Variants in STPG2 observed in about 807,000 individuals in gnomAD.
STPG2 encodes sperm-tail PG-rich repeat-containing protein 2.
In STPG2, 56 loss-of-function variants were observed where a neutral mutation model predicts 54.2. The observed-to-expected ratio is 1.03, with a 90% CI of 0.83 to 1.29. STPG2 has a LOEUF of 1.29. Among genes scored for constraint, STPG2 ranks in the 50% most tolerant of loss-of-function variants. STPG2 has a pLI of 0.00. For missense variants in STPG2, 596 were observed against 544.9 expected (o/e 1.09, Z -0.93); for synonymous variants, 200 against 181.8 (o/e 1.10, Z -0.81).
chr4:97,485,514 T>G (rs1431915683), intron 4 of STPG2, among the ~76,000 whole-genome samples: 1 of 151,680 alleles, frequency 6.6e-6, no homozygotes, highest in South Asian at 2.1e-4. Context: ...GCAAAAGACC[T>G]CTACAATGAA....
chr4:97,640,176 C>T (rs1050361392), intron 10 of STPG2, among the ~76,000 whole-genome samples: 4 of 151,984 alleles, frequency 2.6e-5, no homozygotes, highest in Non-Finnish European at 5.9e-5. Flanking sequence ...CAAATAACTT[C>T]ACTGAGTAAA....
intron 4 of STPG2, among the ~76,000 whole-genome samples, chr4:97,452,485 C>G (rs1013640023): frequency 1.3e-5 from 2 of 152,116 alleles, no homozygotes; most frequent in Non-Finnish European, 2.9e-5. Context: ...TGGGCTTGCC[C>G]ATGGCTGCCC....
At chr4:97,495,977 A>G (rs1264208606) in intron 4 of STPG2, among the ~76,000 whole-genome samples, 6 of 151,616 alleles carry the variant, frequency 4.0e-5, no homozygotes, top group African/African-American at 1.4e-4. Context: ...TTGTGCTTCC[A>G]AGTTTCATGA....
chr4:97,692,253 A>G (rs557399341), intron 10 of STPG2, among the ~76,000 whole-genome samples: 22 of 148,582 alleles, frequency 1.5e-4, no homozygotes, highest in African/African-American at 5.2e-4. Flanking sequence ...CATCAGAGAA[A>G]GGTGAAGCCC....
At chr4:97,782,941 A>G (rs554628919) in intron 9 of STPG2, among the ~76,000 whole-genome samples, 1 of 152,352 alleles carries the variant, frequency 6.6e-6, no homozygotes, top group East Asian at 1.9e-4. Context: ...AAGATGGATT[A>G]AAGACTTCAA....
chr4:98,026,169 G>A lies in STPG2; in HGVS notation c.613-44851C>T, dbSNP rs1210450208. On this transcript the variant is annotated intron_variant, in intron 5 of 10. Coordinates refer to ENST00000295268, the MANE Select transcript of STPG2 (RefSeq NM_174952.3). ...CCCAAGAAAGAAGTTAAAAAGAGGT[G>A]GAATCGTCCCAAAATGTCCCTTGCT... 44 of 1,374,098 alleles carry A rather than the reference G, an allele frequency of 3.2e-5. No individual in the cohort carries two copies. In the South Asian group the frequency reaches 3.4e-4, roughly 11 times the overall value. 85.1% of individuals were successfully genotyped at this position (1,374,098 alleles called of 1,614,324 possible).
At chr4:97,684,441 CA>C (rs1158960242) in intron 10 of STPG2, among the ~76,000 whole-genome samples, 1 of 151,866 alleles carries the variant, frequency 6.6e-6, no homozygotes, top group Non-Finnish European at 1.5e-5. Flanking sequence ...CAAGTACAGC[CA>C]ACTGATCTTT....
At chr4:97,976,264 C>A (rs1469486828) in intron 6 of STPG2, among the ~76,000 whole-genome samples, 1 of 152,082 alleles carries the variant, frequency 6.6e-6, no homozygotes, top group African/African-American at 2.4e-5. Flanking sequence ...AAGATAAACA[C>A]AAAGTATAAT....
intron 10 of STPG2, among the ~76,000 whole-genome samples, chr4:97,623,182 T>C (rs1029153909): frequency 2.0e-5 from 3 of 151,880 alleles, no homozygotes; most frequent in Non-Finnish European, 4.4e-5. Flanking sequence ...ACCTAGGAAA[T>C]ATGCTTTGGA....
At chr4:97,464,893 A>T (rs915846655) in intron 4 of STPG2, among the ~76,000 whole-genome samples, 3 of 152,208 alleles carry the variant, frequency 2.0e-5, no homozygotes, top group Admixed American at 6.5e-5. Flanking sequence ...CCCTTAAAAA[A>T]AGTCATGATT....
At chr4:97,510,093 C>T (rs987539807) in intron 4 of STPG2, among the ~76,000 whole-genome samples, 9 of 151,892 alleles carry the variant, frequency 5.9e-5, no homozygotes, top group South Asian at 2.1e-4. Context: ...ATGTAGAAGG[C>T]GAAGTCTACA....
intron 4 of STPG2, among the ~76,000 whole-genome samples, chr4:97,530,691 G>A (rs186960204): frequency 1.5e-4 from 23 of 152,328 alleles, no homozygotes; most frequent in Non-Finnish European, 2.6e-4. Flanking sequence ...AAAATCAGGT[G>A]AGCAATCACA....
At chr4:97,544,752 A>G (rs1486041559) in intron 4 of STPG2, among the ~76,000 whole-genome samples, 1 of 152,104 alleles carries the variant, frequency 6.6e-6, no homozygotes, top group Admixed American at 6.5e-5. Flanking sequence ...TTAGAAATTA[A>G]AACAGAAAGT....
At chr4:97,849,522 C>T (rs918589142) in intron 8 of STPG2, among the ~76,000 whole-genome samples, 1 of 151,992 alleles carries the variant, frequency 6.6e-6, no homozygotes, top group African/African-American at 2.4e-5. Flanking sequence ...ACCTACTCAT[C>T]TGACAAAGGG....
At chr4:98,072,570 T>TTAAAATAAAATAAAATAA (rs1553939178) in intron 5 of STPG2, among the ~76,000 whole-genome samples, 6 of 145,002 alleles carry the variant, frequency 4.1e-5, no homozygotes, top group African/African-American at 1.0e-4. Flanking sequence ...GAAGGGAAAA[T>TTAAAATAAAATAAAATAA]AATAAAATAA....
At chr4:98,039,328 G>A (rs1736870750) in intron 5 of STPG2, among the ~76,000 whole-genome samples, 1 of 138,068 alleles carries the variant, frequency 7.2e-6, no homozygotes, top group Non-Finnish European at 1.6e-5. Context: ...ATCCCCCGTG[G>A]GAGAAAAAAA....
In STPG2 at chr4:97,512,786, C is replaced by CT. The variant is rs537932282; in HGVS notation, c.462+199912dup. Among the ~76,000 whole-genome samples the CT allele has an allele frequency of 4.2e-3, 634 of 152,126 alleles. 4 individuals are homozygous for CT. The highest frequency in any genetic ancestry group is 0.021 in the South Asian group (100 of 4,820). On this transcript the variant is annotated intron_variant, in intron 4 of 4. Transcript: ENST00000522676. ...CCTGTGATACAGGAAAATCTAAAAT[C>CT]TTTTTTTCATACTATACTCTCACAA...
At chr4:97,807,541 T>C (rs868816362) in intron 9 of STPG2, among the ~76,000 whole-genome samples, 1 of 151,792 alleles carries the variant, frequency 6.6e-6, no homozygotes, top group Non-Finnish European at 1.5e-5. Context: ...ACTTAATGCA[T>C]TATTCAAACA....
intron 5 of STPG2, among the ~76,000 whole-genome samples, chr4:98,045,541 A>G (rs1218667361): frequency 1.3e-5 from 2 of 152,170 alleles, no homozygotes; most frequent in Non-Finnish European, 1.5e-5. Flanking sequence ...TAGTGGTGAT[A>G]AACTCCCTTG....
Sources: gnomAD v4.1 joint callset for allele counts (sites outside exome capture counted in the v4.1 genomes callset) on GRCh38, gnomAD v4.1.1 for gene constraint, MANE v1.5 for transcripts, NCBI Gene and HGNC (gene_info 2026-07-23, HGNC 2026-07-21) for gene names.